RBM5: variants seen among roughly 807,000 people sequenced by gnomAD.
RBM5 encodes the protein RNA-binding protein 5.
RBM5 carries 15 observed loss-of-function variants against 124.6 expected under a neutral mutation model. The observed-to-expected ratio is 0.12, with a 90% CI of 0.08 to 0.19. RBM5 has a LOEUF of 0.19. Ranked by LOEUF, RBM5 falls within the 10% of genes least tolerant of loss-of-function variation. RBM5 has a pLI of 1.00. For synonymous variants in RBM5, 337 were observed against 361.2 expected (o/e 0.93, Z 0.76); for missense variants, 580 against 1,026.5 (o/e 0.57, Z 5.94).
intron 6 of RBM5, chr3:50,102,723 C>T: frequency 4.0e-6 from 1 of 250,506 alleles, no homozygotes; most frequent in Non-Finnish European, 7.8e-6. Context: ...GAGACAGTCT[C>T]AGAACTGAGA....
At chr3:50,091,901 G>A in intron 2 of RBM5, 142 bp from the exon 3 acceptor site, 1 of 864,494 alleles carries the variant, frequency 1.2e-6, no homozygotes, top group Non-Finnish European at 1.9e-6. Flanking sequence ...TTAGTAAACT[G>A]GAATTTGGTA....
intron 17 of RBM5, 80 bp from the exon 18 acceptor site, chr3:50,113,303 A>C (rs2091182429): frequency 6.9e-7 from 1 of 1,440,434 alleles, no homozygotes; most frequent in Non-Finnish European, 9.5e-7. Context: ...AACATACTTT[A>C]TCTTTTTTTT....
chr3:50,095,036 A>G (rs1242766894), intron 4 of RBM5, among the ~76,000 whole-genome samples: 1 of 152,104 alleles, frequency 6.6e-6, no homozygotes, highest in Admixed American at 6.5e-5. Context: ...TGTCTCTACT[A>G]AAAATACAAG....
intron 6 of RBM5, chr3:50,101,796 T>C: frequency 6.6e-6 from 1 of 152,248 alleles, no homozygotes; most frequent in East Asian, 1.9e-4. Flanking sequence ...TGTAACACAT[T>C]ACAGTTCAAA....
rs1428220094 is a variant in RBM5 at position 50,118,187 on chromosome 3, CT to C, written c.2323-142del. Reference sequence around the variant, plus strand: ...CAGTCCTTATACTTGCTCCTGGTCTCTTCTGGAGAAATCCTTGTCTTCATAT... The same window carrying C: ...CAGTCCTTATACTTGCTCCTGGTCTCTCTGGAGAAATCCTTGTCTTCATAT... On this transcript the variant is annotated intron_variant, in intron 24 of 24. Transcript: ENST00000347869. 21 of 1,177,044 alleles carry C rather than the reference CT, an allele frequency of 1.8e-5. No homozygotes were observed. The African/African-American group carries it at 2.2e-4, about 12-fold the overall frequency. The allele number at this position is 1,177,044 out of a possible 1,614,324, so 72.9% of individuals were successfully genotyped here. A position where few individuals can be genotyped will look rare whatever the true frequency, so the allele number is the denominator to read the frequency against.
intron 18 of RBM5, 63 bp downstream of exon 18, chr3:50,113,607 G>A: frequency 3.4e-6 from 5 of 1,491,450 alleles, no homozygotes; most frequent in Non-Finnish European, 4.5e-6. Flanking sequence ...TTTTGGGGTT[G>A]TAGCATTTAT....
At chr3:50,113,180 T>C (rs1297921147) in intron 17 of RBM5, 3 of 436,452 alleles carry the variant, frequency 6.9e-6, no homozygotes, top group African/African-American at 6.1e-5. Flanking sequence ...AAAGAAATCA[T>C]ATTCTATTTT....
In RBM5 at chr3:50,107,607, G is replaced by A. The variant is rs894734363; in HGVS notation, c.1041+38G>A. The A allele has an allele frequency of 3.4e-6, 5 of 1,476,778 alleles. No homozygotes were observed. The Admixed American group carries it at 5.0e-5, about 15-fold the overall frequency. 91.5% of individuals were successfully genotyped at this position (1,476,778 alleles called of 1,614,324 possible). A position where few individuals can be genotyped will look rare whatever the true frequency, so the allele number is the denominator to read the frequency against. ...ATCTTTTTGCTCAAGGTAGTGTGGT[G>A]GTGGTGCCCAGATTCACAGACGTGA... On this transcript the variant is annotated intron_variant, in intron 12 of 24. Coordinates refer to ENST00000347869, the MANE Select transcript of RBM5 (RefSeq NM_005778.4).
intron 4 of RBM5, among the ~76,000 whole-genome samples, chr3:50,097,784 GT>G (rs1406269123): frequency 6.6e-6 from 1 of 152,144 alleles, no homozygotes; most frequent in Non-Finnish European, 1.5e-5. Flanking sequence ...TAATTTAACT[GT>G]AAGAAAAGTA....
rs142202493 is a variant in RBM5 at position 50,094,925 on chromosome 3, G to A, written c.339+1050G>A. Among the ~76,000 whole-genome samples the A allele has an allele frequency of 7.4e-3, 1,130 of 152,238 alleles. 13 individuals carry two copies. The highest frequency in any genetic ancestry group is 0.026 in the African/African-American group (1,072 of 41,526). ...GTAAGTTACCATTTTGGCCAGGCGC[G>A]GTGGCTCATGCCTGTAATCCCAGGC... On this transcript the variant is annotated intron_variant, in intron 4 of 24. Coordinates refer to ENST00000347869, the MANE Select transcript of RBM5 (RefSeq NM_005778.4).
At chr3:50,107,234 C>G in intron 11 of RBM5, 1 of 601,658 alleles carries the variant, frequency 1.7e-6, no homozygotes, top group Non-Finnish European at 3.0e-6. Context: ...GTAAATTTCC[C>G]TTTTTTTAGT....
intron 20 of RBM5, 88 bp from the exon 21 acceptor site, chr3:50,115,340 C>T (rs775158973): frequency 4.1e-5 from 58 of 1,414,528 alleles, no homozygotes; most frequent in African/African-American, 5.8e-5. Flanking sequence ...GTTAACATTT[C>T]GGATGAGGCA....
Position 50,108,212 on chromosome 3 carries a change from A to T in RBM5, c.1120-20A>T. 6.2e-7 allele frequency: 1 copy of T among 1,609,152 alleles called. No homozygotes were observed. Among genetic ancestry groups the T allele is most frequent in the Admixed American group, 1.7e-5 (1 of 60,022 alleles). ...GAGTGTGTCTGAGAATAGCAGCTTTAATGGTGGACTTTTCTTCAGTATTCA... is the reference window on the plus strand; with the variant it reads ...GAGTGTGTCTGAGAATAGCAGCTTTTATGGTGGACTTTTCTTCAGTATTCA... On this transcript the variant is annotated intron_variant, in intron 13 of 24. Coordinates refer to ENST00000347869, the MANE Select transcript of RBM5 (RefSeq NM_005778.4).
At position 50,118,555 on chromosome 3, in the gene RBM5, T is replaced by G; in HGVS notation, c.*99T>G. 6.8e-7 allele frequency: 1 copy of G among 1,472,232 alleles called. No homozygotes were observed. Among genetic ancestry groups the G allele is most frequent in the Non-Finnish European group, 9.2e-7 (1 of 1,091,092 alleles). 91.2% of individuals were successfully genotyped at this position (1,472,232 alleles called of 1,614,324 possible). A position where few individuals can be genotyped will look rare whatever the true frequency, so the allele number is the denominator to read the frequency against. On this transcript the variant is annotated 3_prime_UTR_variant, in exon 25 of 25. Coordinates refer to ENST00000347869, the MANE Select transcript of RBM5 (RefSeq NM_005778.4). ...CTCTTTAAGGGCATGCCTTGTGCTG[T>G]TAATAGATCTTAGGGTGAACCACTT...
At chr3:50,101,288 TTAAA>T (rs1487364754) in intron 6 of RBM5, 2 of 152,246 alleles carry the variant, frequency 1.3e-5, no homozygotes, top group Non-Finnish European at 2.9e-5. Flanking sequence ...TGCTTGGCAC[TTAAA>T]TAACATTTTT....
Position 50,106,760 on chromosome 3 carries a change from C to A in RBM5, c.856-7C>A. On this transcript the variant is annotated splice_region_variant and splice_polypyrimidine_tract_variant and intron_variant, in intron 10 of 24. Coordinates refer to ENST00000347869, the MANE Select transcript of RBM5 (RefSeq NM_005778.4). Reference sequence around the variant, plus strand: ...TACACGTTTTTTTCCTTCACATTCTCCTTCAGGATGCTTCTCAGCTGCTTC... The same window carrying A: ...TACACGTTTTTTTCCTTCACATTCTACTTCAGGATGCTTCTCAGCTGCTTC... The A allele has an allele frequency of 1.3e-6, 2 of 1,582,390 alleles. No individual in the cohort carries two copies. The highest frequency in any genetic ancestry group is 2.2e-5 in the East Asian group (1 of 44,716).
At chr3:50,098,107 A>T (rs888302235) in intron 4 of RBM5, among the ~76,000 whole-genome samples, 20 of 152,064 alleles carry the variant, frequency 1.3e-4, no homozygotes, top group African/African-American at 1.9e-4. Flanking sequence ...AAAAAAATTT[A>T]AAAAAAAGTT....
rs1396864156 is a variant in RBM5, at chr3:50,095,829, T to G, written c.339+1954T>G. Among the ~76,000 whole-genome samples, 5 of 152,206 alleles carry G rather than the reference T, an allele frequency of 3.3e-5. No homozygotes were observed. In the South Asian group the frequency reaches 1.0e-3, roughly 32 times the overall value. On this transcript the variant is annotated intron_variant, in intron 4 of 24. Coordinates refer to ENST00000347869, the MANE Select transcript of RBM5 (RefSeq NM_005778.4). ...CCAACCCTTGAACACAGTATGTTACTCAGCCAGTGCTCTTGGTAAAAATGA... is the reference window on the plus strand; with the variant it reads ...CCAACCCTTGAACACAGTATGTTACGCAGCCAGTGCTCTTGGTAAAAATGA...
chr3:50,103,009 A>T, intron 6 of RBM5, 74 bp from the exon 7 acceptor site: 1 of 1,215,298 alleles, frequency 8.2e-7, no homozygotes, highest in Non-Finnish European at 1.2e-6. Context: ...GATTTTTCCG[A>T]AGTGTGCTCT....
Sources: allele counts gnomAD v4.1 joint callset (sites outside exome capture counted in the v4.1 genomes callset), GRCh38; gene constraint gnomAD v4.1.1; transcripts MANE v1.5; gene names NCBI Gene and HGNC (gene_info 2026-07-23, HGNC 2026-07-21).